The following PMS1 variants were observed in gnomAD, a reference collection of about 807,000 sequenced individuals.
PMS1 encodes PMS1 protein homolog 1.
PMS1 carries 79 observed loss-of-function variants against 93.1 expected under a neutral mutation model. That is an observed-to-expected ratio of 0.85 (90% confidence interval 0.71 to 1.02). PMS1 has a LOEUF of 1.02. Ranked by LOEUF, PMS1 falls within the 50% of genes least tolerant of loss-of-function variation. The pLI, the probability that PMS1 is intolerant of heterozygous loss-of-function variation, is 0.00. For synonymous variants in PMS1, 335 were observed against 363.4 expected, an observed-to-expected ratio of 0.92 and a Z score of 0.89; for missense variants, 1,064 against 1,085.3, an observed-to-expected ratio of 0.98 and a Z score of 0.28.
At chr2:189,785,658 AGG>A (rs1458527488) in intron 1 of PMS1, among the ~76,000 whole-genome samples, 1 of 152,180 alleles carries the variant, frequency 6.6e-6, no homozygotes, top group African/African-American at 2.4e-5. Context: ...AATGAGGTAA[AGG>A]GGGACTGCAG....
At chr2:189,855,370 ATAT>A (rs1575292178) in intron 9 of PMS1, among the ~76,000 whole-genome samples, 2 of 147,682 alleles carry the variant, frequency 1.4e-5, no homozygotes, top group South Asian at 4.3e-4. Context: ...CTGCTTTCTG[ATAT>A]TATTAAATTT....
Position 189,854,390 on chromosome 2 carries a change from T to A in PMS1, c.1118T>A (p.Val373Glu). The part of the protein sequence containing the change: ...TAETDVLFNK[V>E]ESSGKNYSNV... ...GAAACAGATGTGCTTTTTAATAAAG[T>A]GGAATCATCTGGAAAGAATTATTCA... The change falls in exon 9 of 13, where the codon GTG (valine) becomes GAG (glutamate). Residue 373 changes from valine (V) to glutamate (E), a missense_variant. Val to Glu is a moderately radical substitution (Grantham distance 121). Coordinates refer to ENST00000441310, the MANE Select transcript of PMS1 (RefSeq NM_000534.5). The A allele has an allele frequency of 1.2e-6, 2 of 1,602,062 alleles. No homozygotes were observed. Among genetic ancestry groups the A allele is most frequent in the Non-Finnish European group, 1.7e-6 (2 of 1,172,446 alleles).
chr2:189,813,536 ATTG>A (rs1027399281), intron 4 of PMS1, among the ~76,000 whole-genome samples: 6 of 152,334 alleles, frequency 3.9e-5, no homozygotes, highest in Non-Finnish European at 7.4e-5. Context: ...GGATGTTCTT[ATTG>A]TTGTATCAAT....
At chr2:189,865,569 G>T (rs2056580723) in intron 10 of PMS1, among the ~76,000 whole-genome samples, 1 of 152,078 alleles carries the variant, frequency 6.6e-6, no homozygotes, top group Non-Finnish European at 1.5e-5. Flanking sequence ...AATCATTGAT[G>T]ATTTTTGCCT....
chr2:189,844,119 T>C, intron 6 of PMS1, 39 bp downstream of exon 6: 1 of 1,610,856 alleles, frequency 6.2e-7, no homozygotes, highest in South Asian at 1.1e-5. Flanking sequence ...TCTGATTTAC[T>C]CATGAAGCTG....
intron 11 of PMS1, among the ~76,000 whole-genome samples, chr2:189,869,175 T>G (rs1189342028): frequency 1.3e-5 from 2 of 152,222 alleles, no homozygotes; most frequent in African/African-American, 4.8e-5. Flanking sequence ...AGCTCTTAAC[T>G]CATTTATTAT....
intron 5 of PMS1, among the ~76,000 whole-genome samples, chr2:189,835,715 C>T (rs1306732776): frequency 6.6e-6 from 1 of 151,930 alleles, no homozygotes; most frequent in African/African-American, 2.4e-5. Flanking sequence ...CGCTTGAGTC[C>T]AGGAGTTCAA....
At chr2:189,795,445 C>T (rs2049265797) in intron 2 of PMS1, among the ~76,000 whole-genome samples, 1 of 152,162 alleles carries the variant, frequency 6.6e-6, no homozygotes, top group South Asian at 2.1e-4. Flanking sequence ...GTATGTAATT[C>T]AGAAGAATTT....
chr2:189,836,155 T>C (rs2053369251), intron 5 of PMS1, among the ~76,000 whole-genome samples: 1 of 152,226 alleles, frequency 6.6e-6, no homozygotes, highest in Non-Finnish European at 1.5e-5. Context: ...AAATTGCCTT[T>C]ACAAACAATT....
intron 2 of PMS1, among the ~76,000 whole-genome samples, chr2:189,793,220 A>G (rs2049048483): frequency 1.3e-5 from 2 of 152,182 alleles, no homozygotes; most frequent in Non-Finnish European, 2.9e-5. Flanking sequence ...CTTAAAACCC[A>G]TTCTTGATCT....
At chr2:189,805,875 CTAGT>C (rs1559232710) in intron 4 of PMS1, 121 bp downstream of exon 4, 12 of 1,546,284 alleles carry the variant, frequency 7.8e-6, no homozygotes, top group Non-Finnish European at 1.0e-5. Flanking sequence ...CTGATAAAGG[CTAGT>C]TAACTTCCAA....
In PMS1 at chr2:189,818,238, A is replaced by G. The variant is rs55764063; in HGVS notation, c.582+58A>G. The G allele has an allele frequency of 5.5e-5, 63 of 1,141,720 alleles. 1 individual carries two copies. The East Asian group carries it at 1.5e-3, about 28-fold the overall frequency. The allele number at this position is 1,141,720 out of a possible 1,614,324, so 70.7% of individuals were successfully genotyped here. A position where few individuals can be genotyped will look rare whatever the true frequency, so the allele number is the denominator to read the frequency against. The stretch of plus-strand genomic sequence containing the variant: ...GTATATGATATAATAAACAATGTAT[A>G]CTTTATAAATCAGTTAGATATGGGC... On this transcript the variant is annotated intron_variant, in intron 5 of 12. Coordinates refer to ENST00000441310, the MANE Select transcript of PMS1 (RefSeq NM_000534.5).
rs568687759 is a variant in PMS1 at position 189,869,542 on chromosome 2, C to G, written c.2473+1613C>G. Among the ~76,000 whole-genome samples the G allele has an allele frequency of 3.3e-5, 5 of 152,204 alleles. No homozygotes were observed. In the East Asian group the frequency reaches 9.6e-4, roughly 29 times the overall value. ...CATGAAAGATATTAAACAGGCCAGG[C>G]ACGGTGGCTCATGCCTGTAATCCTA... is the stretch of plus-strand genomic sequence containing the variant. On this transcript the variant is annotated intron_variant, in intron 11 of 12. Transcript: ENST00000441310.
chr2:189,838,702 C>A (rs569944169), intron 5 of PMS1, among the ~76,000 whole-genome samples: 1 of 152,104 alleles, frequency 6.6e-6, no homozygotes, highest in Non-Finnish European at 1.5e-5. Context: ...AATTCTCAGC[C>A]GCAGTATATT....
intron 6 of PMS1, among the ~76,000 whole-genome samples, chr2:189,848,838 A>G (rs1439666283): frequency 1.3e-5 from 2 of 152,148 alleles, no homozygotes; most frequent in African/African-American, 2.4e-5. Context: ...CTGGGCTTAT[A>G]TGGTTGAAGG....
intron 4 of PMS1, 29 bp from the exon 5 acceptor site, chr2:189,817,988 A>G (rs1441130180): frequency 6.4e-7 from 1 of 1,557,024 alleles, no homozygotes; most frequent in Non-Finnish European, 8.9e-7. Flanking sequence ...TTCCAAATCT[A>G]AATGTGCTTT....
Position 189,852,722 on chromosome 2 carries a change from A to T in PMS1, c.767A>T (p.Glu256Val), listed in dbSNP as rs771521891. 1 of 1,596,088 alleles carries T rather than the reference A, an allele frequency of 6.3e-7. No individual in the cohort carries two copies. The highest frequency in any genetic ancestry group is 8.6e-7 in the Non-Finnish European group (1 of 1,163,728). Residue 256 changes from glutamate (E) to valine (V), a missense_variant, in exon 7 of 13, where the codon GAA becomes GTA. Physicochemically the swap from Glu to Val is moderately radical, Grantham distance 121. Transcript: ENST00000441310. ...TCTTTCACTAGTCTTTCAACACCAG[A>T]AAGAAGTTTCATCTTCATAAACAGT... is the stretch of plus-strand genomic sequence containing the variant. ...DHSFTSLSTP[E>V]RSFIFINSRP...
At chr2:189,790,397 A>G (rs932197459) in intron 1 of PMS1, among the ~76,000 whole-genome samples, 9 of 152,202 alleles carry the variant, frequency 5.9e-5, no homozygotes, top group Admixed American at 2.6e-4. Flanking sequence ...AGTTATTACC[A>G]TAGCATTTGT....
At chr2:189,862,953 T>C (rs1432025904) in intron 9 of PMS1, among the ~76,000 whole-genome samples, 1 of 152,186 alleles carries the variant, frequency 6.6e-6, no homozygotes, top group African/African-American at 2.4e-5. Flanking sequence ...ATTTTCTTTC[T>C]CAATTTTCAG....
Sources: allele counts gnomAD v4.1 joint callset (sites outside exome capture counted in the v4.1 genomes callset), GRCh38; gene constraint gnomAD v4.1.1; transcripts MANE v1.5; gene names NCBI Gene and HGNC (gene_info 2026-07-23, HGNC 2026-07-21).